The following MOSMO variants were observed in gnomAD, a reference collection of about 807,000 sequenced individuals.
MOSMO encodes modulator of smoothened.
A neutral mutation model predicts 18.4 loss-of-function variants in MOSMO; 5 were observed. That is an observed-to-expected ratio of 0.27 (90% confidence interval 0.14 to 0.57). The LOEUF (loss-of-function observed/expected upper bound fraction) is 0.57, where lower values mean the gene tolerates loss of function less well. MOSMO is among the 20% of genes least tolerant of loss of function. The pLI is 0.92. For synonymous variants in MOSMO, 82 were observed against 82.3 expected (o/e 1.00, Z 0.02); for missense variants, 138 against 211.8 (o/e 0.65, Z 2.16).
chr16:22,041,129 A>T (rs1417262517), intron 1 of MOSMO, among the ~76,000 whole-genome samples: 1 of 152,216 alleles, frequency 6.6e-6, no homozygotes, highest in Non-Finnish European at 1.5e-5. Context: ...GGGAAAGAAC[A>T]ATTTAAATAC....
At chr16:22,060,520 A>G (rs1356546560) in intron 1 of MOSMO, among the ~76,000 whole-genome samples, 1 of 152,250 alleles carries the variant, frequency 6.6e-6, no homozygotes, top group African/African-American at 2.4e-5. Flanking sequence ...TTGAAAATAC[A>G]AAGTGTTGAT....
intron 1 of MOSMO, among the ~76,000 whole-genome samples, chr16:22,054,198 T>C (rs1307907928): frequency 6.6e-6 from 1 of 151,822 alleles, no homozygotes; most frequent in East Asian, 1.9e-4. Flanking sequence ...AGGGCTTAGG[T>C]CATCTTTGTG....
At chr16:22,047,703 G>T (rs547264248) in intron 1 of MOSMO, among the ~76,000 whole-genome samples, 1 of 152,240 alleles carries the variant, frequency 6.6e-6, no homozygotes, top group African/African-American at 2.4e-5. Flanking sequence ...AAGCTGAAAG[G>T]TGTATGCACT....
intron 1 of MOSMO, among the ~76,000 whole-genome samples, chr16:22,045,859 TTTTC>T (rs1005604521): frequency 2.0e-5 from 3 of 152,136 alleles, no homozygotes; most frequent in African/African-American, 2.4e-5. Context: ...ATATATATTT[TTTTC>T]TTTCTTCACT....
chr16:22,068,483 C>T lies in MOSMO; in HGVS notation c.107-7004C>T, dbSNP rs1162482439. ...GTGCAACTATCACCAATGTCTAATT[C>T]CAGAATATTTGTAACATTCCAAGAA... On this transcript the variant is annotated intron_variant, in intron 1 of 2. Transcript: ENST00000542527. Among the ~76,000 whole-genome samples, 6 of 152,184 alleles carry T rather than the reference C, an allele frequency of 3.9e-5. 1 individual carries two copies. Among genetic ancestry groups the T allele is most frequent in the Middle Eastern group, 3.2e-3 (1 of 316 alleles).
At chr16:22,061,606 A>G (rs1701837416) in intron 1 of MOSMO, among the ~76,000 whole-genome samples, 1 of 152,190 alleles carries the variant, frequency 6.6e-6, no homozygotes, top group Non-Finnish European at 1.5e-5. Context: ...AGTGTATTGC[A>G]CAGATCTTGT....
downstream of MOSMO, chr16:22,089,912 G>T (rs1355965825): frequency 6.6e-6 from 1 of 151,718 alleles, no homozygotes; most frequent in Non-Finnish European, 1.5e-5. Context: ...CTGTCTGGGA[G>T]AATATCATCT....
At chr16:22,011,459 G>T (rs969028374) in intron 1 of MOSMO, among the ~76,000 whole-genome samples, 1 of 152,188 alleles carries the variant, frequency 6.6e-6, no homozygotes, top group Non-Finnish European at 1.5e-5. Flanking sequence ...GCTGGATAAA[G>T]AGTGAAAATG....
At chr16:22,046,119 A>C (rs1900305387) in intron 1 of MOSMO, among the ~76,000 whole-genome samples, 1 of 144,660 alleles carries the variant, frequency 6.9e-6, no homozygotes, top group African/African-American at 2.6e-5. Context: ...TATCATCACC[A>C]TGAAAAGCAG....
intron 1 of MOSMO, among the ~76,000 whole-genome samples, chr16:22,019,935 C>G (rs967569011): frequency 2.0e-5 from 3 of 151,908 alleles, no homozygotes; most frequent in African/African-American, 7.3e-5. Flanking sequence ...CAGTTGGGGC[C>G]AGGTGCGGTG....
At chr16:22,021,805 A>AT (rs1899769014) in intron 1 of MOSMO, among the ~76,000 whole-genome samples, 4 of 151,974 alleles carry the variant, frequency 2.6e-5, no homozygotes, top group Admixed American at 2.6e-4. Flanking sequence ...CTCAAAAAAA[A>AT]AATATATATA....
intron 1 of MOSMO, among the ~76,000 whole-genome samples, chr16:22,065,166 A>G (rs1900726048): frequency 6.6e-6 from 1 of 152,182 alleles, no homozygotes; most frequent in African/African-American, 2.4e-5. Context: ...AGTGTTGGGT[A>G]TGATTTAGTC....
At chr16:22,021,162 G>A (rs1400361245) in intron 1 of MOSMO, among the ~76,000 whole-genome samples, 1 of 152,220 alleles carries the variant, frequency 6.6e-6, no homozygotes, top group Non-Finnish European at 1.5e-5. Context: ...TTCCTCATCT[G>A]AGCCCACGGG....
intron 1 of MOSMO, among the ~76,000 whole-genome samples, chr16:22,045,830 G>T (rs914466713): frequency 5.3e-5 from 8 of 151,682 alleles, no homozygotes; most frequent in Non-Finnish European, 1.0e-4. Context: ...GCCTTGTCAA[G>T]AAAAATTTGA....
downstream of MOSMO, among the ~76,000 whole-genome samples, chr16:22,089,192 C>A (rs889692828): frequency 4.6e-5 from 7 of 152,086 alleles, no homozygotes; most frequent in African/African-American, 1.7e-4. Context: ...CTCAGCTTCC[C>A]AAGTAGCTGG....
intron 1 of MOSMO, among the ~76,000 whole-genome samples, chr16:22,031,862 A>G (rs1900000844): frequency 6.6e-6 from 1 of 152,228 alleles, no homozygotes; most frequent in Admixed American, 6.5e-5. Context: ...TTTCCCTTGC[A>G]TATATACTTA....
Position 22,081,691 on chromosome 16 carries a change from G to A in MOSMO, c.*811G>A, listed in dbSNP as rs1359180254. The A allele has an allele frequency of 2.0e-5, 3 of 151,370 alleles. No homozygotes were observed. The highest frequency in any genetic ancestry group is 4.4e-5 in the Non-Finnish European group (3 of 67,904). The allele number at this position is 151,370 out of a possible 1,614,324, so 9.4% of individuals were successfully genotyped here. ...ACACATGCAAACAGTTCCTGGAAGA[G>A]AATTCTGAATGCTTTGCTAGCAAAA... On this transcript the variant is annotated 3_prime_UTR_variant, in exon 3 of 3. Transcript: ENST00000542527.
intron 1 of MOSMO, among the ~76,000 whole-genome samples, chr16:22,045,623 A>G (rs1453647595): frequency 6.6e-6 from 1 of 152,238 alleles, no homozygotes; most frequent in Non-Finnish European, 1.5e-5. Flanking sequence ...CATTTACTCA[A>G]TAGCCACATG....
chr16:22,076,712 C>A (rs1299499312), intron 2 of MOSMO, among the ~76,000 whole-genome samples: 2 of 152,142 alleles, frequency 1.3e-5, no homozygotes, highest in Non-Finnish European at 2.9e-5. Flanking sequence ...AAGGGATAAT[C>A]CCTTGTATCC....
Sources: allele counts gnomAD v4.1 joint callset (sites outside exome capture counted in the v4.1 genomes callset), GRCh38; gene constraint gnomAD v4.1.1; transcripts MANE v1.5; gene names NCBI Gene and HGNC (gene_info 2026-07-23, HGNC 2026-07-21).